Variants in CDK13 observed in about 807,000 individuals in gnomAD.
CDK13 encodes the protein cyclin dependent kinase 13.
In CDK13, 40 loss-of-function variants were observed where a neutral mutation model predicts 137.6. The ratio of observed to expected loss-of-function variants is 0.29; its 90% CI spans 0.23 to 0.38. The LOEUF (loss-of-function observed/expected upper bound fraction) is 0.38, where lower values mean the gene tolerates loss of function less well. Ranked by LOEUF, CDK13 falls within the 10% of genes least tolerant of loss-of-function variation. The pLI, the probability that CDK13 is intolerant of heterozygous loss-of-function variation, is 1.00. For missense variants in CDK13, 1,704 were observed against 1,951.8 expected, an observed-to-expected ratio of 0.87 and a Z score of 2.39; for synonymous variants, 869 against 760.1, an observed-to-expected ratio of 1.14 and a Z score of -2.36.
chr7:40,014,058 C>CTTTTTT (rs927741062), intron 5 of CDK13, among the ~76,000 whole-genome samples: 44 of 60,946 alleles, frequency 7.2e-4, no homozygotes, highest in African/African-American at 2.7e-3. Context: ...GCTGTCTTGT[C>CTTTTTT]TTTTTTTTTT....
At chr7:40,073,902 CT>C (rs75410283) in intron 9 of CDK13, among the ~76,000 whole-genome samples, 1,037 of 129,448 alleles carry the variant, frequency 8.0e-3, no homozygotes, top group East Asian at 0.011. Context: ...TCTTTTTTTC[CT>C]TTTTTTTTTT....
chr7:40,063,331 G>A (rs921620881), intron 9 of CDK13, among the ~76,000 whole-genome samples: 1 of 152,110 alleles, frequency 6.6e-6, no homozygotes, highest in Admixed American at 6.6e-5. Flanking sequence ...ACATGCGTGC[G>A]TGCATGTGTG....
chr7:40,094,973 C>A lies in CDK13; in HGVS notation c.4532C>A (p.Pro1511Gln). The A allele has an allele frequency of 7.2e-7, 1 of 1,388,610 alleles. No individual in the cohort carries two copies. Among genetic ancestry groups the A allele is most frequent in the South Asian group, 2.3e-5 (1 of 43,500 alleles). The allele number at this position is 1,388,610 out of a possible 1,614,324, so 86.0% of individuals were successfully genotyped here. Residue 1511 changes from proline (P) to glutamine (Q), a missense_variant, in exon 14 of 14, where the codon CCA (proline) becomes CAA (glutamine). Physicochemically the swap from Pro to Gln is moderately conservative, Grantham distance 76 (BLOSUM62 -1). Coordinates refer to ENST00000181839, the MANE Select transcript of CDK13 (RefSeq NM_003718.5). ...STGRGRGRGL[P>Q]Y ...GGCAGAGGCAGAGGCAGAGGGTTAC[C>A]ATACTGAGTATCTGTTTTTCCTCAG...
chr7:39,959,647 T>G (rs1275231804), intron 1 of CDK13, among the ~76,000 whole-genome samples: 1 of 152,078 alleles, frequency 6.6e-6, no homozygotes, highest in Non-Finnish European at 1.5e-5. Flanking sequence ...TTATTTTTGG[T>G]AGAGACAGCG....
chr7:40,073,554 C>CTTTCTTTTTCTTTCTT (rs1554336621), intron 9 of CDK13: 4 of 120,050 alleles, frequency 3.3e-5, no homozygotes, highest in African/African-American at 1.1e-4. Context: ...TAAAGCTTTT[C>CTTTCTTTTTCTTTCTT]TTTCTTTTTC....
rs911907440 is a variant in CDK13, at chr7:39,981,790, A to G, written c.1212-5809A>G. Among the ~76,000 whole-genome samples the G allele has an allele frequency of 6.1e-5, 9 of 147,188 alleles. No individual in the cohort carries two copies. The South Asian group carries it at 1.1e-3, about 17-fold the overall frequency. On this transcript the variant is annotated intron_variant, in intron 1 of 13. Transcript: ENST00000181839. ...TACTATAAAAAGTAGCTTCCAAAAT[A>G]TCTTTTTTTTTTTTTTTTTGAGACG...
At chr7:39,987,532 CTG>C in intron 1 of CDK13, 65 bp from the exon 2 acceptor site, 1 of 1,252,318 alleles carries the variant, frequency 8.0e-7, no homozygotes, top group Non-Finnish European at 1.1e-6. Flanking sequence ...TGAATTAGCA[CTG>C]TCTTTGTAAA....
intron 11 of CDK13, among the ~76,000 whole-genome samples, chr7:40,082,820 G>A (rs1786696258): frequency 6.6e-6 from 1 of 151,596 alleles, no homozygotes; most frequent in Admixed American, 6.6e-5. Flanking sequence ...GTTATTTTAG[G>A]CCGGGTGCAG....
intron 5 of CDK13, among the ~76,000 whole-genome samples, chr7:40,012,836 C>T (rs111230111): frequency 9.9e-5 from 15 of 151,490 alleles, no homozygotes; most frequent in African/African-American, 3.1e-4. Flanking sequence ...TACTTGAACC[C>T]GGGAGGCGGA....
At position 40,098,374 on chromosome 7, in the gene CDK13, T is replaced by C. The variant is rs191298192; in HGVS notation, c.*3394T>C. On this transcript the variant is annotated 3_prime_UTR_variant, in exon 14 of 14. Coordinates refer to ENST00000181839, the MANE Select transcript of CDK13 (RefSeq NM_003718.5). ...CCTAGGGCTTTTTGTTTTCCTTTTTTATTTTTATTTTTTCTTTTTTTAGGG... is the reference window on the plus strand; with the variant it reads ...CCTAGGGCTTTTTGTTTTCCTTTTTCATTTTTATTTTTTCTTTTTTTAGGG... 1.4e-4 allele frequency: 22 copies of C among 152,226 alleles called. No individual in the cohort carries two copies. The highest frequency in any genetic ancestry group is 5.1e-4 in the African/African-American group (21 of 41,572). The allele number at this position is 152,226 out of a possible 1,614,324, so 9.4% of individuals were successfully genotyped here. A position where few individuals can be genotyped will look rare whatever the true frequency, so the allele number is the denominator to read the frequency against.
intron 5 of CDK13, among the ~76,000 whole-genome samples, chr7:40,040,451 G>C (rs1416033951): frequency 6.6e-6 from 1 of 152,164 alleles, no homozygotes; most frequent in Non-Finnish European, 1.5e-5. Flanking sequence ...ATATCTGATA[G>C]TGTGTACACA....
At chr7:40,026,615 TTGTCTACAAGGTAC>T (rs1247858436) in intron 5 of CDK13, among the ~76,000 whole-genome samples, 18 of 152,280 alleles carry the variant, frequency 1.2e-4, no homozygotes, top group Non-Finnish European at 2.5e-4. Flanking sequence ...TTTATTCACT[TTGTCTACAAGGTAC>T]TTAAAGCAGT....
intron 1 of CDK13, among the ~76,000 whole-genome samples, chr7:39,977,884 G>T (rs1175993500): frequency 3.3e-5 from 5 of 152,186 alleles, no homozygotes; most frequent in Admixed American, 3.3e-4. Context: ...TGTAGAATTG[G>T]TGGAGCTTGG....
At chr7:39,969,069 G>C (rs1783938503) in intron 1 of CDK13, among the ~76,000 whole-genome samples, 1 of 152,172 alleles carries the variant, frequency 6.6e-6, no homozygotes, top group African/African-American at 2.4e-5. Flanking sequence ...GAGTGCAGTG[G>C]TGTGATCTCA....
In CDK13 at chr7:39,950,353, G is replaced by T; in HGVS notation, c.-289G>T. ...ACTCGGGACTCCCCCGCAGGTCAGC[G>T]CCCGGCGCATCTGGTGTTTTCGCTG... On this transcript the variant is annotated 5_prime_UTR_variant, in exon 1 of 14. Transcript: ENST00000181839. The T allele has an allele frequency of 8.5e-7, 1 of 1,182,692 alleles. No homozygotes were observed. Among genetic ancestry groups the T allele is most frequent in the Non-Finnish European group, 1.0e-6 (1 of 956,964 alleles). The allele number at this position is 1,182,692 out of a possible 1,614,324, so 73.3% of individuals were successfully genotyped here. A position where few individuals can be genotyped will look rare whatever the true frequency, so the allele number is the denominator to read the frequency against.
chr7:40,065,288 A>G (rs1786256151), intron 9 of CDK13, among the ~76,000 whole-genome samples: 1 of 152,266 alleles, frequency 6.6e-6, no homozygotes, highest in South Asian at 2.1e-4. Flanking sequence ...CATGGAAACA[A>G]CAAAGTCTCT....
rs756031403 is a variant in CDK13, at chr7:39,988,049, A to C, written c.1662A>C (p.Val554=). The change falls in exon 2 of 14, where the codon GTA becomes GTC. Residue 554 remains valine (V), a synonymous_variant. Transcript: ENST00000181839. ...QVTKVENNLI[V]DKATKKAVIV... ...CGAAGGTGGAAAATAATTTGATTGT[A>C]GATAAAGCCACCAAGAAAGCAGTCA... The C allele has an allele frequency of 1.2e-6, 2 of 1,614,230 alleles. No homozygotes were observed. The highest frequency in any genetic ancestry group is 1.7e-6 in the Non-Finnish European group (2 of 1,180,022).
Position 39,951,187 on chromosome 7 carries a change from C to A in CDK13, c.546C>A (p.Ala182=), listed in dbSNP as rs1787169573. The A allele has an allele frequency of 1.1e-5, 14 of 1,246,996 alleles. No homozygotes were observed. Among genetic ancestry groups the A allele is most frequent in the Non-Finnish European group, 1.2e-5 (12 of 997,778 alleles). 77.2% of individuals were successfully genotyped at this position (1,246,996 alleles called of 1,614,324 possible). Residue 182 remains alanine (A), a synonymous_variant, in exon 1 of 14, where the codon GCC becomes GCA. Coordinates refer to ENST00000181839, the MANE Select transcript of CDK13 (RefSeq NM_003718.5). The part of the protein sequence containing the change: ...GGTGGSGGSP[A]SSSGTQRRGE... ...CGGGGGGCAGCGGCGGGAGTCCGGCCTCCTCCTCCGGCACCCAGCGGCGCG... is the reference window on the plus strand; with the variant it reads ...CGGGGGGCAGCGGCGGGAGTCCGGCATCCTCCTCCGGCACCCAGCGGCGCG...
intron 6 of CDK13, among the ~76,000 whole-genome samples, chr7:40,046,337 T>C (rs1584033937): frequency 1.3e-5 from 2 of 152,290 alleles, no homozygotes; most frequent in South Asian, 2.1e-4. Context: ...TAGTTTACTT[T>C]ATACAAACTA....
Sources: allele counts gnomAD v4.1 joint callset (sites outside exome capture counted in the v4.1 genomes callset), GRCh38; gene constraint gnomAD v4.1.1; transcripts MANE v1.5; gene names NCBI Gene and HGNC (gene_info 2026-07-23, HGNC 2026-07-21).